PPFIA3: variants seen among roughly 807,000 people sequenced by gnomAD.
The protein encoded by PPFIA3 is PPFI scaffold protein A3, also known as liprin-alpha-3.
A neutral mutation model predicts 145.8 loss-of-function variants in PPFIA3; 26 were observed. The observed-to-expected ratio is 0.18, with a 90% CI of 0.13 to 0.25. The LOEUF (loss-of-function observed/expected upper bound fraction) is 0.25. Among genes scored for constraint, PPFIA3 ranks in the 10% least tolerant of loss-of-function variants. The pLI, the probability that PPFIA3 is intolerant of heterozygous loss-of-function variation, is 1.00. For synonymous variants in PPFIA3, 645 were observed against 661.4 expected, an observed-to-expected ratio of 0.98 and a Z score of 0.38; for missense variants, 1,008 against 1,587.8, an observed-to-expected ratio of 0.63 and a Z score of 6.21.
intron 24 of PPFIA3, 114 bp downstream of exon 24, chr19:49,148,372 C>T (rs1344685322): frequency 1.6e-6 from 2 of 1,215,742 alleles, no homozygotes; most frequent in East Asian, 2.5e-5. Flanking sequence ...CCCTTTTAGC[C>T]TGAGTTCTCA....
chr19:49,146,213 C>A (rs1413847581), intron 23 of PPFIA3, 21 bp downstream of exon 23: 1 of 1,612,370 alleles, frequency 6.2e-7, no homozygotes, highest in Non-Finnish European at 8.5e-7. Context: ...CGGGGCGGGG[C>A]GTGAGCGCAT....
chr19:49,134,269 C>G (rs551742420), intron 11 of PPFIA3, 104 bp downstream of exon 11: 4 of 1,438,410 alleles, frequency 2.8e-6, no homozygotes, highest in East Asian at 4.6e-5. Context: ...TCGGAGGCCT[C>G]CCTAAACCCC....
At position 49,129,472 on chromosome 19, in the gene PPFIA3, A is replaced by G. The variant is rs1458418886; in HGVS notation, c.582+18A>G. 11 of 1,551,440 alleles carry G rather than the reference A, an allele frequency of 7.1e-6. No individual in the cohort carries two copies. Among genetic ancestry groups the G allele is most frequent in the Non-Finnish European group, 8.7e-6 (10 of 1,147,696 alleles). On this transcript the variant is annotated intron_variant, in intron 5 of 29. Coordinates refer to ENST00000334186, the MANE Select transcript of PPFIA3 (RefSeq NM_003660.4). ...ATCAGGAGGTGTGGGTGTGGCCAAG[A>G]CAGGGAATTTGAATCCAAGGGGAGG...
intron 19 of PPFIA3, 88 bp downstream of exon 19, chr19:49,141,601 A>AGGGT: frequency 1.2e-6 from 1 of 822,908 alleles, no homozygotes; most frequent in Non-Finnish European, 1.9e-6. Flanking sequence ...TGTGTGTATG[A>AGGGT]GTGTGTGTGT....
chr19:49,145,754 C>T, intron 21 of PPFIA3, 189 bp from the exon 22 acceptor site: 1 of 613,792 alleles, frequency 1.6e-6, no homozygotes, highest in Non-Finnish European at 2.9e-6. Flanking sequence ...TTGTTCAACT[C>T]CAAAGTCACA....
rs145471474 is a variant in PPFIA3 at position 49,150,042 on chromosome 19, G to T, written c.3527-38G>T. On this transcript the variant is annotated intron_variant, in intron 28 of 29. Coordinates refer to ENST00000334186, the MANE Select transcript of PPFIA3 (RefSeq NM_003660.4). ...AATCCTGGAGAGGAACAGGGAGGAG[G>T]GTGCTCCAGGCTGAACCGCTGCTCG... is the stretch of plus-strand genomic sequence containing the variant. The T allele has an allele frequency of 9.5e-4, 1,505 of 1,586,264 alleles. 14 individuals carry two copies. The African/African-American group carries it at 0.018, about 19-fold the overall frequency.
At chr19:49,119,848 A>C in intron 1 of PPFIA3, 126 bp downstream of exon 1, 1 of 148,354 alleles carries the variant, frequency 6.7e-6, no homozygotes, top group Non-Finnish European at 1.5e-5. Context: ...CAGATTTCAC[A>C]CCCCAACCCC....
chr19:49,135,555 G>T (rs2041127794), intron 13 of PPFIA3, among the ~76,000 whole-genome samples: 1 of 151,794 alleles, frequency 6.6e-6, no homozygotes, highest in South Asian at 2.1e-4. Flanking sequence ...TTTATTTTTA[G>T]TAGAGACAGG....
At chr19:49,125,960 G>GT (rs113558397) in intron 1 of PPFIA3, among the ~76,000 whole-genome samples, 1,979 of 149,268 alleles carry the variant, frequency 0.013, 28 homozygotes, top group African/African-American at 0.031. Context: ...TGTTTGTTTT[G>GT]TTTTTTTTTG....
Position 49,140,266 on chromosome 19 carries a change from A to C in PPFIA3, c.2368+178A>C, listed in dbSNP as rs1454103390. On this transcript the variant is annotated intron_variant, in intron 18 of 29. Transcript: ENST00000334186. ...TAGGCGGGAGGAGGAGGGAAAAGGA[A>C]AGGGCACTCTGGGACCTGCTTGGGT... Among the ~76,000 whole-genome samples, 3 of 152,262 alleles carry C rather than the reference A, an allele frequency of 2.0e-5. No individual in the cohort carries two copies. In the South Asian group the frequency reaches 6.2e-4, roughly 32 times the overall value.
intron 19 of PPFIA3, 102 bp from the exon 20 acceptor site, chr19:49,141,932 T>A: frequency 1.4e-6 from 1 of 706,716 alleles, no homozygotes. Context: ...CGTGTGCGTA[T>A]GTGCATGTGT....
chr19:49,139,820 C>G lies in PPFIA3; in HGVS notation c.2229C>G (p.Pro743=), dbSNP rs868109428. Residue 743 remains proline, a synonymous_variant, in exon 17 of 30, where the codon CCC becomes CCG. Transcript: ENST00000334186. ...LQAGSLEDGG[P]PRGSEGTPDS... Reference sequence around the variant, plus strand: ...CGGGGTCCCTGGAAGATGGGGGACCCCCACGGGGAAGGTCAGCAGGGACAA... The same window carrying G: ...CGGGGTCCCTGGAAGATGGGGGACCGCCACGGGGAAGGTCAGCAGGGACAA... 2 of 1,610,488 alleles carry G rather than the reference C, an allele frequency of 1.2e-6. No homozygotes were observed. Among genetic ancestry groups the G allele is most frequent in the Admixed American group, 3.4e-5 (2 of 59,700 alleles).
Position 49,134,314 on chromosome 19 carries a change from T to C in PPFIA3, c.1377+149T>C. 6.2e-6 allele frequency: 7 copies of C among 1,129,854 alleles called. No individual in the cohort carries two copies. The South Asian group carries it at 9.5e-5, about 15-fold the overall frequency. 70.0% of individuals were successfully genotyped at this position (1,129,854 alleles called of 1,614,324 possible). ...AGTTGGGCAGCCTTCTCTGCTCTAT[T>C]GCCCAGACCGCTTTTTCACCTATTC... On this transcript the variant is annotated intron_variant, in intron 11 of 29. Transcript: ENST00000334186.
At chr19:49,144,315 A>G (rs2041257141) in intron 21 of PPFIA3, among the ~76,000 whole-genome samples, 1 of 152,064 alleles carries the variant, frequency 6.6e-6, no homozygotes, top group South Asian at 2.1e-4. Flanking sequence ...GGCCTACAAT[A>G]TTTTAAATAG....
Position 49,143,133 on chromosome 19 carries a change from C to T in PPFIA3, c.2745+129C>T, listed in dbSNP as rs548676644. The T allele has an allele frequency of 5.7e-5, 62 of 1,078,402 alleles. No individual in the cohort carries two copies. In the African/African-American group the frequency reaches 8.9e-4, roughly 15 times the overall value. The allele number at this position is 1,078,402 out of a possible 1,614,324, so 66.8% of individuals were successfully genotyped here. A position where few individuals can be genotyped will look rare whatever the true frequency, so the allele number is the denominator to read the frequency against. On this transcript the variant is annotated intron_variant, in intron 21 of 29. Transcript: ENST00000334186. ...CTGCTTCTCATTGGCTTTTACCCCC[C>T]TCAGCCTCCCCTCCACTCCTAACTT...
chr19:49,131,295 A>ACAG (rs1281350299), intron 7 of PPFIA3, among the ~76,000 whole-genome samples: 4 of 142,990 alleles, frequency 2.8e-5, no homozygotes, highest in African/African-American at 1.1e-4. Flanking sequence ...CAGCCTCCCT[A>ACAG]GTAGCTGGGA....
At position 49,128,195 on chromosome 19, in the gene PPFIA3, C is replaced by G. The variant is rs2041027067; in HGVS notation, c.240+82C>G. 3 of 1,469,126 alleles carry G rather than the reference C, an allele frequency of 2.0e-6. No individual in the cohort carries two copies. In the East Asian group the frequency reaches 7.4e-5, roughly 36 times the overall value. 91.0% of individuals were successfully genotyped at this position (1,469,126 alleles called of 1,614,324 possible). A position where few individuals can be genotyped will look rare whatever the true frequency, so the allele number is the denominator to read the frequency against. ...GGTCCGGAAGGGGCCGGGCTTGGCG[C>G]CTGGAAGGGAGGAGTCTGGGCGAGG... On this transcript the variant is annotated intron_variant, in intron 2 of 29. Coordinates refer to ENST00000334186, the MANE Select transcript of PPFIA3 (RefSeq NM_003660.4). The surrounding 1 kb of genome is among the most constrained non-coding windows in gnomAD (Gnocchi z 4.1).
chr19:49,134,507 A>T, intron 11 of PPFIA3, 132 bp from the exon 12 acceptor site: 2 of 864,844 alleles, frequency 2.3e-6, no homozygotes, highest in South Asian at 2.8e-5. Context: ...GCTCCCCCGA[A>T]ACTCACCACT....
At position 49,141,508 on chromosome 19, in the gene PPFIA3, G is replaced by A; in HGVS notation, c.2457G>A (p.Lys819=). 2 of 1,613,372 alleles carry A rather than the reference G, an allele frequency of 1.2e-6. No homozygotes were observed. Among genetic ancestry groups the A allele is most frequent in the Non-Finnish European group, 1.7e-6 (2 of 1,179,390 alleles). The change falls in exon 19 of 30, where the codon AAG becomes AAA. Residue 819 remains lysine, a synonymous_variant. Coordinates refer to ENST00000334186, the MANE Select transcript of PPFIA3 (RefSeq NM_003660.4). ...CAGGAGACAAGGACCGAAGGAACAA[G>A]AGGAAGTGAGTGTGTGTGAGTGTGA... ...TGPGDKDRRN[K]RKHELLEEAC... is the part of the protein sequence containing the mutation.
Sources: gnomAD v4.1 joint callset for allele counts (sites outside exome capture counted in the v4.1 genomes callset) on GRCh38, gnomAD v4.1.1 for gene constraint, Gnocchi (gnomAD v3.1) non-coding constraint, MANE v1.5 for transcripts, NCBI Gene and HGNC (gene_info 2026-07-23, HGNC 2026-07-21) for gene names.